Variants in RLN2 observed in about 807,000 individuals in gnomAD.
RLN2 encodes the protein prorelaxin H2.
RLN2 carries 10 observed loss-of-function variants against 7.3 expected under a neutral mutation model. The observed-to-expected ratio is 1.36, with a 90% CI of 0.84 to 2.31. The LOEUF (loss-of-function observed/expected upper bound fraction) is 2.31, where lower values mean the gene tolerates loss of function less well. RLN2 is among the 30% of genes most tolerant of loss of function. The pLI is 0.00. For synonymous variants in RLN2, 103 were observed against 82.3 expected, an observed-to-expected ratio of 1.25 and a Z score of -1.36; for missense variants, 298 against 217.6, an observed-to-expected ratio of 1.37 and a Z score of -2.32.
chr9:5,309,340 C>A (rs1204818594), upstream of RLN2, among the ~76,000 whole-genome samples: 1 of 151,880 alleles, frequency 6.6e-6, no homozygotes, highest in African/African-American at 2.4e-5. Flanking sequence ...CTTTTGTAAC[C>A]CCTTCAGCTA....
chr9:5,325,659 T>C, the RLN2 span, among the ~76,000 whole-genome samples: 983 of 152,152 alleles, frequency 6.5e-3, 15 homozygotes, highest in African/African-American at 0.022. Context: ...AAACAAGATA[T>C]ACTACTTATA....
chr9:5,329,724 T>C, the RLN2 span, among the ~76,000 whole-genome samples: 2 of 151,912 alleles, frequency 1.3e-5, no homozygotes, highest in East Asian at 1.9e-4. Context: ...CCTAAATATA[T>C]ATGGACCCAA....
chr9:5,304,231 C>T, intron 1 of RLN2, 139 bp downstream of exon 1: 2 of 595,778 alleles, frequency 3.4e-6, no homozygotes, highest in Non-Finnish European at 5.7e-6. Context: ...TAGGGACCAG[C>T]CACGGCTGAG....
upstream of RLN2, chr9:5,304,730 A>G (rs548869112): frequency 2.2e-4 from 161 of 743,714 alleles, 2 homozygotes; most frequent in African/African-American, 2.2e-3. Context: ...CCCTTGGGCT[A>G]TCACTCAGCT....
At chr9:5,316,408 A>C in the RLN2 span, among the ~76,000 whole-genome samples, 1 of 151,412 alleles carries the variant, frequency 6.6e-6, no homozygotes, top group South Asian at 2.1e-4. Flanking sequence ...CGATATCTAC[A>C]TTAGGTATTT....
the RLN2 span, among the ~76,000 whole-genome samples, chr9:5,321,815 T>TA: frequency 6.6e-6 from 1 of 151,980 alleles, no homozygotes; most frequent in African/African-American, 2.4e-5. Flanking sequence ...TCACTGAACT[T>TA]ACAGAGCATA....
At chr9:5,309,393 C>T (rs1484068910), upstream of RLN2, among the ~76,000 whole-genome samples, 1 of 151,978 alleles carries the variant, frequency 6.6e-6, no homozygotes, top group Non-Finnish European at 1.5e-5. Context: ...TCACAGCTGG[C>T]TTCTACAAGG....
chr9:5,337,526 G>A, the RLN2 span, among the ~76,000 whole-genome samples: 2,234 of 152,054 alleles, frequency 0.015, 78 homozygotes, highest in African/African-American at 0.051. Context: ...TTTTAAAAGG[G>A]ATGCAGTGAA....
chr9:5,311,589 G>A, the RLN2 span: 5 of 915,120 alleles, frequency 5.5e-6, no homozygotes, highest in East Asian at 9.6e-5. Flanking sequence ...GCAAAGACAG[G>A]AGAGAAGATA....
At chr9:5,316,790 A>G in the RLN2 span, among the ~76,000 whole-genome samples, 1 of 152,064 alleles carries the variant, frequency 6.6e-6, no homozygotes, top group Admixed American at 6.5e-5. Context: ...ATGATTTATA[A>G]TCCTTTGGGT....
chr9:5,300,690 C>T (rs1351796731), intron 1 of RLN2, among the ~76,000 whole-genome samples: 1 of 152,194 alleles, frequency 6.6e-6, no homozygotes, highest in Admixed American at 6.5e-5. Context: ...TCTTCATGAT[C>T]CCCTCAGTGC....
At chr9:5,318,167 C>A in the RLN2 span, among the ~76,000 whole-genome samples, 1 of 151,914 alleles carries the variant, frequency 6.6e-6, no homozygotes. Context: ...GCTACTGCAC[C>A]CAGTCAAAAT....
At chr9:5,336,784 G>T in the RLN2 span, among the ~76,000 whole-genome samples, 152 of 152,022 alleles carry the variant, frequency 1.0e-3, 1 homozygote, top group Non-Finnish European at 1.6e-3. Context: ...ATAATGAAAA[G>T]AAAGAGAAGA....
At chr9:5,328,770 G>GC in the RLN2 span, among the ~76,000 whole-genome samples, 1 of 151,708 alleles carries the variant, frequency 6.6e-6, no homozygotes, top group Non-Finnish European at 1.5e-5. Flanking sequence ...CATTCTTAAA[G>GC]AAAGAATTTT....
chr9:5,312,863 G>A, the RLN2 span, among the ~76,000 whole-genome samples: 14 of 151,820 alleles, frequency 9.2e-5, no homozygotes, highest in African/African-American at 7.3e-5. Context: ...TAATTTCTAC[G>A]TATTTTTGAA....
At chr9:5,319,088 A>G in the RLN2 span, among the ~76,000 whole-genome samples, 3 of 152,074 alleles carry the variant, frequency 2.0e-5, no homozygotes, top group African/African-American at 7.2e-5. Context: ...CATTCTATCT[A>G]GTGTTGCTCT....
At chr9:5,312,710 C>G in the RLN2 span, among the ~76,000 whole-genome samples, 1 of 150,816 alleles carries the variant, frequency 6.6e-6, no homozygotes, top group African/African-American at 2.5e-5. Flanking sequence ...AAGCTGGATA[C>G]AGTTTGCTTG....
chr9:5,312,578 G>A, the RLN2 span, among the ~76,000 whole-genome samples: 1 of 151,922 alleles, frequency 6.6e-6, no homozygotes, highest in Non-Finnish European at 1.5e-5. Flanking sequence ...TTTTATAGTG[G>A]CTTTCTAATT....
chr9:5,336,888 A>G, the RLN2 span, among the ~76,000 whole-genome samples: 43 of 152,160 alleles, frequency 2.8e-4, 1 homozygote, highest in South Asian at 2.1e-4. Context: ...AGACAGCGGT[A>G]GTTCTGGGGC....
Sources: allele counts gnomAD v4.1 joint callset (sites outside exome capture counted in the v4.1 genomes callset), GRCh38; gene constraint gnomAD v4.1.1; transcripts MANE v1.5; gene names NCBI Gene and HGNC (gene_info 2026-07-23, HGNC 2026-07-21).